ESR1: variants seen among roughly 807,000 people sequenced by gnomAD.
ESR1 encodes the protein estrogen receptor 1.
In ESR1, 12 loss-of-function variants were observed where a neutral mutation model predicts 52.7. The observed-to-expected ratio is 0.23, with a 90% CI of 0.15 to 0.37. The LOEUF (loss-of-function observed/expected upper bound fraction) is 0.37. Ranked by LOEUF, ESR1 falls within the 10% of genes least tolerant of loss-of-function variation. The pLI is 1.00. For synonymous variants in ESR1, 305 were observed against 316.8 expected, an observed-to-expected ratio of 0.96 and a Z score of 0.39; for missense variants, 584 against 779.7, an observed-to-expected ratio of 0.75 and a Z score of 2.99.
chr6:151,843,385 G>A (rs1784610664), intron 2 of ESR1, among the ~76,000 whole-genome samples: 1 of 152,106 alleles, frequency 6.6e-6, no homozygotes, highest in African/African-American at 2.4e-5. Context: ...TCTACCTGTA[G>A]CATTTCATTT....
At chr6:151,786,642 A>G (rs1318453801) in intron 2 of ESR1, among the ~76,000 whole-genome samples, 1 of 151,642 alleles carries the variant, frequency 6.6e-6, no homozygotes, top group East Asian at 1.9e-4. Context: ...TTTTTAAAAA[A>G]TCTGTAATTT....
chr6:152,078,263 C>T (rs992198743), intron 6 of ESR1, among the ~76,000 whole-genome samples: 1 of 152,148 alleles, frequency 6.6e-6, no homozygotes, highest in Non-Finnish European at 1.5e-5. Flanking sequence ...AAGTGCCTTT[C>T]ACAAGCATAA....
intron 4 of ESR1, among the ~76,000 whole-genome samples, chr6:151,980,265 C>T (rs1379483358): frequency 6.6e-6 from 1 of 152,134 alleles, no homozygotes; most frequent in Non-Finnish European, 1.5e-5. Flanking sequence ...TTTGCATTCT[C>T]GGATTTTGAC....
At chr6:151,965,281 CAT>C (rs2038149132) in intron 4 of ESR1, among the ~76,000 whole-genome samples, 1 of 152,066 alleles carries the variant, frequency 6.6e-6, no homozygotes, top group Non-Finnish European at 1.5e-5. Context: ...AGTTTTTAAA[CAT>C]ATTTATTGTT....
chr6:151,758,896 T>A (rs1209914764), intron 2 of ESR1, among the ~76,000 whole-genome samples: 1 of 152,040 alleles, frequency 6.6e-6, no homozygotes, highest in African/African-American at 2.4e-5. Flanking sequence ...CCAGTGTTCT[T>A]GTCATCACAA....
At chr6:151,729,213 C>G (rs1463918234) in intron 2 of ESR1, among the ~76,000 whole-genome samples, 2 of 152,130 alleles carry the variant, frequency 1.3e-5, no homozygotes, top group Non-Finnish European at 2.9e-5. Context: ...GCTTGCTCTT[C>G]CCAGCATTTA....
intron 2 of ESR1, among the ~76,000 whole-genome samples, chr6:151,717,542 A>C (rs1781140635): frequency 6.6e-6 from 1 of 152,196 alleles, no homozygotes; most frequent in Non-Finnish European, 1.5e-5. Context: ...TTTTTCCATA[A>C]GATTAATTTT....
At chr6:152,090,646 A>T (rs1175692601) in intron 6 of ESR1, among the ~76,000 whole-genome samples, 1 of 152,174 alleles carries the variant, frequency 6.6e-6, no homozygotes, top group Non-Finnish European at 1.5e-5. Flanking sequence ...TTATCTAGAA[A>T]AGTGCTGAGA....
chr6:152,044,856 C>T (rs996665581), intron 5 of ESR1, among the ~76,000 whole-genome samples: 3 of 152,192 alleles, frequency 2.0e-5, no homozygotes, highest in Non-Finnish European at 4.4e-5. Context: ...CCTTTGACAA[C>T]ACCCTCACAG....
chr6:151,907,097 CTTTA>C (rs945489940), intron 3 of ESR1, among the ~76,000 whole-genome samples: 2 of 151,944 alleles, frequency 1.3e-5, no homozygotes, highest in African/African-American at 2.4e-5. Context: ...TTCACTATTT[CTTTA>C]TTTGTCTATG....
downstream of ESR1, among the ~76,000 whole-genome samples, chr6:152,106,631 C>T (rs887864901): frequency 8.5e-5 from 13 of 152,146 alleles, no homozygotes; most frequent in African/African-American, 3.1e-4. Context: ...CTCTCTCACC[C>T]AGGCTGGAGT....
chr6:151,917,196 A>C (rs9340888), intron 3 of ESR1, among the ~76,000 whole-genome samples: 4,309 of 152,244 alleles, frequency 0.028, 189 homozygotes, highest in African/African-American at 0.097. Flanking sequence ...ACTACTGTTT[A>C]TTTTACAAGC....
At chr6:151,780,312 C>T (rs1319449317) in intron 2 of ESR1, among the ~76,000 whole-genome samples, 1 of 151,754 alleles carries the variant, frequency 6.6e-6, no homozygotes, top group Non-Finnish European at 1.5e-5. Context: ...ACCTATGTAA[C>T]GAACCTGCAC....
At chr6:151,960,694 T>C (rs1729704256) in intron 4 of ESR1, among the ~76,000 whole-genome samples, 1 of 152,220 alleles carries the variant, frequency 6.6e-6, no homozygotes, top group Admixed American at 6.5e-5. Context: ...TTTGAGAGCA[T>C]GATCTGACTT....
intron 3 of ESR1, among the ~76,000 whole-genome samples, chr6:151,881,196 T>C (rs1036429232): frequency 1.3e-5 from 2 of 152,246 alleles, no homozygotes; most frequent in African/African-American, 4.8e-5. Context: ...AGCTAATTTA[T>C]AGCCTTCCAG....
intron 1 of ESR1, among the ~76,000 whole-genome samples, chr6:151,839,207 T>A (rs920319334): frequency 7.9e-5 from 12 of 152,112 alleles, no homozygotes; most frequent in Non-Finnish European, 1.5e-4. Flanking sequence ...TCTAGAGAGT[T>A]CAGAACAGGG....
At chr6:151,772,362 A>G (rs1321347916) in intron 2 of ESR1, among the ~76,000 whole-genome samples, 1 of 152,208 alleles carries the variant, frequency 6.6e-6, no homozygotes, top group Non-Finnish European at 1.5e-5. Context: ...AATGAAGAGA[A>G]CAGCATTGCC....
chr6:151,701,129 C>T (rs769520716), intron 1 of ESR1, among the ~76,000 whole-genome samples: 1 of 152,036 alleles, frequency 6.6e-6, no homozygotes, highest in East Asian at 1.9e-4. Context: ...TCTGAATCTT[C>T]GTGGTAAAAT....
chr6:152,116,036 TAA>T (rs1212373308), intron 6 of ESR1, among the ~76,000 whole-genome samples: 1 of 152,156 alleles, frequency 6.6e-6, no homozygotes, highest in African/African-American at 2.4e-5. Context: ...AATTTGGGAA[TAA>T]GTCCCGTAAT....
Sources: allele counts gnomAD v4.1 joint callset (sites outside exome capture counted in the v4.1 genomes callset), GRCh38; gene constraint gnomAD v4.1.1; transcripts MANE v1.5; gene names NCBI Gene and HGNC (gene_info 2026-07-23, HGNC 2026-07-21).